Variants in CENPK observed in about 807,000 individuals in gnomAD.
CENPK encodes centromere protein K.
A neutral mutation model predicts 40.9 loss-of-function variants in CENPK; 46 were observed. That is an observed-to-expected ratio of 1.13 (90% CI 0.89 to 1.44). CENPK has a LOEUF of 1.44. Ranked by LOEUF, CENPK falls within the 40% of genes most tolerant of loss-of-function variation. The pLI, the probability that CENPK is intolerant of heterozygous loss-of-function variation, is 0.00. For missense variants in CENPK, 288 were observed against 303.5 expected, an observed-to-expected ratio of 0.95 and a Z score of 0.38; for synonymous variants, 107 against 104.4, an observed-to-expected ratio of 1.02 and a Z score of -0.15.
At position 65,554,949 on chromosome 5, in the gene CENPK, A is replaced by G. The variant is rs375944023; in HGVS notation, c.-39-3T>C. ...AATTTTTAGCCTTATAAGAAAAACTAAAGCAAAAAATATTTATTCATTCAG... is the reference window on the plus strand; with the variant it reads ...AATTTTTAGCCTTATAAGAAAAACTGAAGCAAAAAATATTTATTCATTCAG... On this transcript the variant is annotated splice_region_variant and splice_polypyrimidine_tract_variant and intron_variant, in intron 2 of 10. Transcript: ENST00000396679. 3 of 1,148,066 alleles carry G rather than the reference A, an allele frequency of 2.6e-6. No homozygotes were observed. The highest frequency in any genetic ancestry group is 2.6e-6 in the Non-Finnish European group (2 of 763,520). The allele number at this position is 1,148,066 out of a possible 1,614,324, so 71.1% of individuals were successfully genotyped here.
At chr5:65,523,346 T>C (rs1744115082) in intron 9 of CENPK, among the ~76,000 whole-genome samples, 1 of 152,216 alleles carries the variant, frequency 6.6e-6, no homozygotes, top group African/African-American at 2.4e-5. Context: ...GGTTTTGAAT[T>C]CAGACATTCA....
At position 65,528,483 on chromosome 5, in the gene CENPK, G is replaced by T; in HGVS notation, c.566C>A (p.Pro189His). Residue 189 changes from proline to histidine, a missense_variant, in exon 9 of 11, where the codon CCT (proline) becomes CAT (histidine). Coordinates refer to ENST00000396679, the MANE Select transcript of CENPK (RefSeq NM_022145.5). Reference sequence around the variant, plus strand: ...CTTTTTAACACTTCTATCAGGCAGAGGAAAATGGTCTTCTAGAAACTCGCC... The same window carrying T: ...CTTTTTAACACTTCTATCAGGCAGATGAAAATGGTCTTCTAGAAACTCGCC... ...TLGEFLEDHF[P>H]LPDRSVKKKK... is the part of the protein sequence containing the mutation. The T allele has an allele frequency of 6.2e-7, 1 of 1,604,896 alleles. No individual in the cohort carries two copies. Among genetic ancestry groups the T allele is most frequent in the Non-Finnish European group, 8.5e-7 (1 of 1,177,230 alleles).
intron 10 of CENPK, among the ~76,000 whole-genome samples, chr5:65,520,786 G>A (rs1037327599): frequency 2.6e-5 from 4 of 152,180 alleles, no homozygotes; most frequent in Admixed American, 6.5e-5. Flanking sequence ...TTAAAAGGGG[G>A]TACACTAATT....
chr5:65,557,815 T>C (rs1354170403), intron 2 of CENPK, among the ~76,000 whole-genome samples: 1 of 152,176 alleles, frequency 6.6e-6, no homozygotes, highest in Non-Finnish European at 1.5e-5. Context: ...CATACAAAAA[T>C]GAAGGCCACA....
rs548286203 is a variant in CENPK at position 65,525,388 on chromosome 5, ATTTAT to A, written c.597+3059_597+3063del. Among the ~76,000 whole-genome samples the A allele has an allele frequency of 1.5e-4, 23 of 152,236 alleles. No homozygotes were observed. The East Asian group carries it at 4.4e-3, about 29-fold the overall frequency. ...CTCAAAAAAAAAAAAGTAAAATTAC[ATTTAT>A]TTTATTATTAGCATTTACAAAATTA... On this transcript the variant is annotated intron_variant, in intron 9 of 10. Transcript: ENST00000396679.
chr5:65,526,362 A>C (rs1275336763), intron 9 of CENPK, among the ~76,000 whole-genome samples: 1 of 152,232 alleles, frequency 6.6e-6, no homozygotes, highest in Non-Finnish European at 1.5e-5. Flanking sequence ...AAGAGGTAAA[A>C]AACAATAATA....
At chr5:65,517,058 T>G (rs1490978088), downstream of CENPK, among the ~76,000 whole-genome samples, 1 of 152,008 alleles carries the variant, frequency 6.6e-6, no homozygotes, top group Admixed American at 6.6e-5. Flanking sequence ...TTCCCCTGCC[T>G]CAGCCTTCAA....
At chr5:65,531,417 T>C (rs776240323) in intron 6 of CENPK, among the ~76,000 whole-genome samples, 1 of 151,366 alleles carries the variant, frequency 6.6e-6, no homozygotes, top group Non-Finnish European at 1.5e-5. Context: ...TTTTTTTTTT[T>C]TCATCCCCCA....
At chr5:65,522,697 C>T (rs928058716) in intron 9 of CENPK, among the ~76,000 whole-genome samples, 1 of 152,136 alleles carries the variant, frequency 6.6e-6, no homozygotes, top group Non-Finnish European at 1.5e-5. Flanking sequence ...TCCTAAAGTG[C>T]GGGATTACAG....
At chr5:65,541,251 T>C (rs1203659621) in intron 6 of CENPK, 3 of 384,368 alleles carry the variant, frequency 7.8e-6, no homozygotes, top group South Asian at 1.8e-5. Flanking sequence ...CCCTGATTTA[T>C]AGCCAGTCAG....
intron 6 of CENPK, among the ~76,000 whole-genome samples, chr5:65,530,576 C>G (rs900675791): frequency 6.6e-6 from 1 of 152,206 alleles, no homozygotes; most frequent in Non-Finnish European, 1.5e-5. Flanking sequence ...TTCCATTCTC[C>G]TGATCACAAG....
At chr5:65,535,890 T>C (rs149626583) in intron 6 of CENPK, among the ~76,000 whole-genome samples, 13 of 152,214 alleles carry the variant, frequency 8.5e-5, no homozygotes, top group African/African-American at 3.1e-4. Flanking sequence ...AAGCACTGTT[T>C]GAGAAAAGGA....
chr5:65,555,644 G>A (rs1000942695), intron 2 of CENPK, among the ~76,000 whole-genome samples: 4 of 152,142 alleles, frequency 2.6e-5, no homozygotes, highest in African/African-American at 9.7e-5. Flanking sequence ...TGTAGACCAG[G>A]ATAATATTGA....
chr5:65,512,439 G>T, the CENPK span, among the ~76,000 whole-genome samples: 2 of 152,082 alleles, frequency 1.3e-5, no homozygotes, highest in Non-Finnish European at 2.9e-5. Context: ...TTTAAGAAAT[G>T]GCCACAGCCA....
intron 5 of CENPK, among the ~76,000 whole-genome samples, chr5:65,547,497 G>A (rs1749218241): frequency 6.6e-6 from 1 of 151,822 alleles, no homozygotes; most frequent in South Asian, 2.1e-4. Flanking sequence ...AATCACAATT[G>A]TAATACTACA....
intron 6 of CENPK, chr5:65,541,499 T>C (rs1180110977): frequency 1.5e-5 from 7 of 453,964 alleles, no homozygotes; most frequent in Non-Finnish European, 2.7e-5. Context: ...AGGTGCTACG[T>C]TGTATTGAGT....
intron 9 of CENPK, among the ~76,000 whole-genome samples, chr5:65,525,291 G>A (rs1744487470): frequency 6.6e-6 from 1 of 152,116 alleles, no homozygotes; most frequent in Non-Finnish European, 1.5e-5. Context: ...CTTGAACCCA[G>A]GAGGTGGAGG....
intron 5 of CENPK, among the ~76,000 whole-genome samples, chr5:65,545,762 CCCT>C (rs1306882497): frequency 1.3e-5 from 2 of 152,156 alleles, no homozygotes; most frequent in Non-Finnish European, 2.9e-5. Context: ...GGAGATGGAT[CCCT>C]CCTCAAGCCT....
intron 6 of CENPK, among the ~76,000 whole-genome samples, chr5:65,537,362 TAG>T: frequency 6.6e-6 from 1 of 152,190 alleles, no homozygotes; most frequent in Non-Finnish European, 1.5e-5. Context: ...TGGAGTCCAG[TAG>T]GGCGATCTCG....
Sources: gnomAD v4.1 joint callset for allele counts (sites outside exome capture counted in the v4.1 genomes callset) on GRCh38, gnomAD v4.1.1 for gene constraint, MANE v1.5 for transcripts, NCBI Gene and HGNC (gene_info 2026-07-23, HGNC 2026-07-21) for gene names.